MYPN: variants seen among roughly 807,000 people sequenced by gnomAD.
The protein encoded by MYPN is sarcomeric protein myopalladin, 145 kDa (MYOP).
MYPN carries 63 observed loss-of-function variants against 129.4 expected under a neutral mutation model. That is an observed-to-expected ratio of 0.49 (90% CI 0.40 to 0.60). The LOEUF (loss-of-function observed/expected upper bound fraction) is 0.60. Among genes scored for constraint, MYPN ranks in the 20% least tolerant of loss-of-function variants. MYPN has a pLI of 0.00. For synonymous variants in MYPN, 629 were observed against 600.9 expected, an observed-to-expected ratio of 1.05 and a Z score of -0.68; for missense variants, 1,596 against 1,635.4, an observed-to-expected ratio of 0.98 and a Z score of 0.42.
intron 10 of MYPN, among the ~76,000 whole-genome samples, chr10:68,169,890 C>T (rs2134182064): frequency 6.6e-6 from 1 of 152,120 alleles, no homozygotes; most frequent in East Asian, 1.9e-4. Context: ...CAGGTGCACA[C>T]CACCACGCCT....
Position 68,188,902 on chromosome 10 carries a change from C to T in MYPN, c.2704-3C>T, listed in dbSNP as rs1356632285. ...AATTGAAACACGTTTGTCATTTTGA[C>T]AGGAGTACAAAATTTCAAGCTTTGA... On this transcript the variant is annotated splice_region_variant and splice_polypyrimidine_tract_variant and intron_variant, in intron 12 of 19. Coordinates refer to ENST00000358913, the MANE Select transcript of MYPN (RefSeq NM_032578.4). 2 of 1,612,496 alleles carry T rather than the reference C, an allele frequency of 1.2e-6. No individual in the cohort carries two copies. Among genetic ancestry groups the T allele is most frequent in the South Asian group, 2.2e-5 (2 of 90,836 alleles).
In MYPN at chr10:68,178,374, A is replaced by G. The variant is rs2043260903; in HGVS notation, c.2703+2913A>G. ...GTGGATCTTGACTGGACATCAATAAATCCTAAATGGTTTAGGTTAGAATGG... is the reference window on the plus strand; with the variant it reads ...GTGGATCTTGACTGGACATCAATAAGTCCTAAATGGTTTAGGTTAGAATGG... On this transcript the variant is annotated intron_variant, in intron 12 of 19. Transcript: ENST00000358913. Among the ~76,000 whole-genome samples, 6 of 152,284 alleles carry G rather than the reference A, an allele frequency of 3.9e-5. No individual in the cohort carries two copies. In the South Asian group the frequency reaches 1.2e-3, roughly 32 times the overall value.
chr10:68,211,072 A>G lies in MYPN; in HGVS notation c.*617A>G, dbSNP rs763579247. 54 of 454,010 alleles carry G rather than the reference A, an allele frequency of 1.2e-4. No individual in the cohort carries two copies. Among genetic ancestry groups the G allele is most frequent in the Non-Finnish European group, 2.2e-4 (49 of 226,804 alleles). 28.1% of individuals were successfully genotyped at this position (454,010 alleles called of 1,614,324 possible). ...GTGTCAAAATGTGCTTGAGATTCCAAAAACTTGCTGAAACACTTGATATTG... is the reference window on the plus strand; with the variant it reads ...GTGTCAAAATGTGCTTGAGATTCCAGAAACTTGCTGAAACACTTGATATTG... On this transcript the variant is annotated 3_prime_UTR_variant, in exon 20 of 20. Transcript: ENST00000358913.
rs148463826 is a variant in MYPN at position 68,145,179 on chromosome 10, T to C, written c.1079-296T>C. 0.069 allele frequency among the ~76,000 whole-genome samples: 10,425 copies of C among 151,898 alleles called. 918 individuals carry two copies. Among genetic ancestry groups the C allele is most frequent in the African/African-American group, 0.21 (8,489 of 41,398 alleles). ...AGCTGGGATTACAGGCATGCACCAC[T>C]ATGCCCAGCTAATTTTGTATTTTTA... On this transcript the variant is annotated intron_variant, in intron 3 of 19. Coordinates refer to ENST00000358913, the MANE Select transcript of MYPN (RefSeq NM_032578.4).
chr10:68,166,284 G>C lies in MYPN; in HGVS notation c.1601-10G>C. 5.6e-6 allele frequency: 9 copies of C among 1,614,022 alleles called. No individual in the cohort carries two copies. The highest frequency in any genetic ancestry group is 7.6e-6 in the Non-Finnish European group (9 of 1,180,014). ...GGCTGACAGCTCAGGTCCTGTGATT[G>C]TCCTTTCAGGAAATGAGGACCTCAG... On this transcript the variant is annotated splice_polypyrimidine_tract_variant and intron_variant, in intron 9 of 19. Transcript: ENST00000358913.
At chr10:68,156,385 T>G (rs1483414794) in intron 6 of MYPN, among the ~76,000 whole-genome samples, 1 of 152,182 alleles carries the variant, frequency 6.6e-6, no homozygotes, top group East Asian at 1.9e-4. Flanking sequence ...TCACTGATGC[T>G]TCCTGTTTTC....
chr10:68,109,992 A>G (rs936296499), intron 1 of MYPN, among the ~76,000 whole-genome samples: 2 of 152,236 alleles, frequency 1.3e-5, no homozygotes, highest in African/African-American at 2.4e-5. Flanking sequence ...GACATGTTGC[A>G]TATCTCATTG....
chr10:68,130,435 G>C (rs1379073680), intron 2 of MYPN, among the ~76,000 whole-genome samples: 2 of 151,386 alleles, frequency 1.3e-5, no homozygotes, highest in African/African-American at 4.9e-5. Flanking sequence ...ACTCCAGCCT[G>C]GGTGACAAGA....
intron 2 of MYPN, among the ~76,000 whole-genome samples, chr10:68,127,527 GT>G (rs1452663903): frequency 2.0e-5 from 3 of 150,670 alleles, no homozygotes; most frequent in African/African-American, 7.3e-5. Context: ...TAGAGATGGG[GT>G]TTCACCATGT....
chr10:68,144,187 G>A (rs2042624570), intron 3 of MYPN, among the ~76,000 whole-genome samples: 1 of 151,998 alleles, frequency 6.6e-6, no homozygotes, highest in Admixed American at 6.6e-5. Context: ...ATTAATTTGA[G>A]GTGAAAAAAA....
rs571241816 is a variant in MYPN at position 68,121,750 on chromosome 10, G to A, written c.312G>A (p.Gln104=). The change falls in exon 2 of 20, where the codon CAG becomes CAA. Residue 104 remains glutamine (Q), a synonymous_variant. Coordinates refer to ENST00000358913, the MANE Select transcript of MYPN (RefSeq NM_032578.4). ...CTAGAAAACGACTTTCTCCTGATCAGATGAAACACTCACCTAATTTAAGTT... is the reference window on the plus strand; with the variant it reads ...CTAGAAAACGACTTTCTCCTGATCAAATGAAACACTCACCTAATTTAAGTT... ...TQARKRLSPD[Q]MKHSPNLSFE... The A allele has an allele frequency of 1.1e-5, 18 of 1,614,224 alleles. No homozygotes were observed. The East Asian group carries it at 2.9e-4, about 26-fold the overall frequency.
At chr10:68,193,394 G>A (rs564738244) in intron 13 of MYPN, among the ~76,000 whole-genome samples, 25 of 152,186 alleles carry the variant, frequency 1.6e-4, no homozygotes, top group Non-Finnish European at 3.4e-4. Flanking sequence ...TATATTTTGG[G>A]CTATTGATTT....
chr10:68,200,082 G>A (rs1036353454), intron 17 of MYPN, among the ~76,000 whole-genome samples: 4 of 152,138 alleles, frequency 2.6e-5, no homozygotes, highest in African/African-American at 4.8e-5. Flanking sequence ...CCTAACAACC[G>A]TAAAGTGTTT....
intron 19 of MYPN, among the ~76,000 whole-genome samples, chr10:68,207,947 G>A (rs1335665948): frequency 2.0e-5 from 3 of 150,766 alleles, no homozygotes; most frequent in South Asian, 4.2e-4. Flanking sequence ...AATTGACTGT[G>A]CTATATATTT....
chr10:68,189,469 C>A (rs1335430384), intron 13 of MYPN, among the ~76,000 whole-genome samples: 1 of 152,128 alleles, frequency 6.6e-6, no homozygotes, highest in African/African-American at 2.4e-5. Flanking sequence ...TTTCTTCTAT[C>A]TAACTGTGTG....
intron 1 of MYPN, among the ~76,000 whole-genome samples, chr10:68,112,297 G>T (rs2042092683): frequency 6.6e-6 from 1 of 152,002 alleles, no homozygotes; most frequent in Non-Finnish European, 1.5e-5. Context: ...GTACCTTTGA[G>T]CTCTGGCTGC....
chr10:68,197,376 A>G lies in MYPN; in HGVS notation c.3183A>G (p.Arg1061=), dbSNP rs1564696134. 6.2e-7 allele frequency: 1 copy of G among 1,613,964 alleles called. No individual in the cohort carries two copies. Among genetic ancestry groups the G allele is most frequent in the Non-Finnish European group, 8.5e-7 (1 of 1,179,912 alleles). The change falls in exon 16 of 20, where the codon AGA becomes AGG. Residue 1061 remains arginine, a synonymous_variant. Coordinates refer to ENST00000358913, the MANE Select transcript of MYPN (RefSeq NM_032578.4). The part of the protein sequence containing the change: ...SHRGRSRVQE[R]DKEPLQERFF... ...GGGGAAGATCCCGAGTGCAAGAAAG[A>G]GACAAAGAGCCCCTACAGGAACGCT...
At chr10:68,106,925 G>A (rs2042019003), upstream of MYPN, 1 of 650,254 alleles carries the variant, frequency 1.5e-6, no homozygotes, top group South Asian at 1.7e-5. Context: ...TATGGGGAAG[G>A]CTTAAGACAT....
intron 2 of MYPN, among the ~76,000 whole-genome samples, chr10:68,137,021 A>T (rs1047376701): frequency 1.3e-5 from 2 of 152,176 alleles, no homozygotes; most frequent in Non-Finnish European, 2.9e-5. Context: ...GTTTTATGTG[A>T]GTTGTAATAT....
Sources: allele counts gnomAD v4.1 joint callset (sites outside exome capture counted in the v4.1 genomes callset), GRCh38; gene constraint gnomAD v4.1.1; transcripts MANE v1.5; gene names NCBI Gene and HGNC (gene_info 2026-07-23, HGNC 2026-07-21).